NR1I2: variants seen among roughly 807,000 people sequenced by gnomAD.
NR1I2 encodes the protein orphan nuclear receptor PAR1.
In NR1I2, 42 loss-of-function variants were observed where a neutral mutation model predicts 43.3. The observed-to-expected ratio is 0.97, with a 90% CI of 0.76 to 1.26. NR1I2 has a LOEUF of 1.26. Among genes scored for constraint, NR1I2 ranks in the 50% most tolerant of loss-of-function variants. The probability of loss-of-function intolerance (pLI) is 0.00; values close to 1 mark genes in which losing one functional copy is unlikely to be tolerated. For missense variants in NR1I2, 559 were observed against 566.7 expected (o/e 0.99, Z 0.14); for synonymous variants, 229 against 215.0 (o/e 1.06, Z -0.57).
rs1337823304 is a variant in NR1I2 at position 119,805,707 on chromosome 3, TC to T, written c.-22-1515del. On this transcript the variant is annotated intron_variant, in intron 1 of 8. Coordinates refer to ENST00000393716, the MANE Select transcript of NR1I2 (RefSeq NM_003889.4). ...GACAGAGCAAGACTTGGTCCCCCCC[TC>T]CCCCCCACCAAAAAAAAAAGAAAAG... 9.6e-5 allele frequency among the ~76,000 whole-genome samples: 4 copies of T among 41,834 alleles called. 1 individual carries two copies. Among genetic ancestry groups the T allele is most frequent in the Non-Finnish European group, 1.4e-4 (3 of 21,300 alleles). The allele number at this position is 41,834 out of a possible 152,430, so 27.4% of individuals were successfully genotyped here. A position where few individuals can be genotyped will look rare whatever the true frequency, so the allele number is the denominator to read the frequency against.
At chr3:119,809,986 T>C (rs994577887) in intron 2 of NR1I2, 75 bp from the exon 3 acceptor site, 6 of 1,588,500 alleles carry the variant, frequency 3.8e-6, no homozygotes, top group Non-Finnish European at 5.2e-6. Context: ...GGGAGGGAGG[T>C]GGTATGGCCC....
At chr3:119,816,885 G>C (rs2055337319) in intron 8 of NR1I2, among the ~76,000 whole-genome samples, 183 bp from the exon 9 acceptor site, 1 of 151,500 alleles carries the variant, frequency 6.6e-6, no homozygotes, top group African/African-American at 2.4e-5. Flanking sequence ...GGAGAGTATT[G>C]GGCAGGCTGT....
intron 5 of NR1I2, 85 bp from the exon 6 acceptor site, chr3:119,814,893 AC>A (rs2055296308): frequency 1.9e-6 from 3 of 1,567,916 alleles, no homozygotes; most frequent in Non-Finnish European, 2.6e-6. Context: ...CTCGCCCCCA[AC>A]TTCTGGATTA....
In NR1I2 at chr3:119,813,356, A is replaced by G. The variant is rs1335499976; in HGVS notation, c.794+396A>G. Among the ~76,000 whole-genome samples the G allele has an allele frequency of 7.2e-5, 11 of 152,262 alleles. No homozygotes were observed. In the South Asian group the frequency reaches 2.1e-3, roughly 29 times the overall value. Reference sequence around the variant, plus strand: ...CCAGAGCAAGGAATGAGAGGAATAGAAAAGATAAGGCTGTGAAGGCCATGG... The same window carrying G: ...CCAGAGCAAGGAATGAGAGGAATAGGAAAGATAAGGCTGTGAAGGCCATGG... On this transcript the variant is annotated intron_variant, in intron 5 of 8. Transcript: ENST00000393716.
chr3:119,805,717 C>CCCCCCCAA (rs561350711), intron 1 of NR1I2, among the ~76,000 whole-genome samples: 1 of 96,620 alleles, frequency 1.0e-5, no homozygotes, highest in African/African-American at 3.9e-5. Flanking sequence ...TCCCCCCCAC[C>CCCCCCCAA]AAAAAAAAAA....
chr3:119,792,094 C>T (rs148112725), intron 1 of NR1I2: 22 of 757,740 alleles, frequency 2.9e-5, no homozygotes, highest in East Asian at 2.0e-4. Context: ...AATATCATTC[C>T]GTGCATCCTC....
chr3:119,810,383 G>A, intron 3 of NR1I2, 189 bp downstream of exon 3: 1 of 763,674 alleles, frequency 1.3e-6, no homozygotes, highest in Non-Finnish European at 2.1e-6. Flanking sequence ...GGCCCTCTGG[G>A]AGATGGAGGG....
At position 119,817,898 on chromosome 3, in the gene NR1I2, T is replaced by C; in HGVS notation, c.*686T>C. On this transcript the variant is annotated 3_prime_UTR_variant, in exon 9 of 9. Coordinates refer to ENST00000393716, the MANE Select transcript of NR1I2 (RefSeq NM_003889.4). ...ATAATAGGTAGCCTGCTGTGGGGTA[T>C]ACAGCATTGACTCAGATATAGATCC... The C allele has an allele frequency of 5.1e-6, 5 of 975,308 alleles. No individual in the cohort carries two copies. The highest frequency in any genetic ancestry group is 6.1e-6 in the Non-Finnish European group (5 of 820,084). 60.4% of individuals were successfully genotyped at this position (975,308 alleles called of 1,614,324 possible).
At chr3:119,814,851 C>T in intron 5 of NR1I2, 128 bp from the exon 6 acceptor site, 3 of 1,168,582 alleles carry the variant, frequency 2.6e-6, no homozygotes, top group Non-Finnish European at 3.7e-6. Flanking sequence ...CCACAGTCAT[C>T]CTCAGGGAAA....
chr3:119,791,245 G>A (rs551910537), intron 1 of NR1I2, among the ~76,000 whole-genome samples: 1 of 152,306 alleles, frequency 6.6e-6, no homozygotes, highest in East Asian at 1.9e-4. Flanking sequence ...ATAGGCCCCA[G>A]AAGGCCTATG....
intron 1 of NR1I2, among the ~76,000 whole-genome samples, chr3:119,804,028 G>A (rs1453980820): frequency 4.0e-5 from 6 of 151,682 alleles, no homozygotes; most frequent in Non-Finnish European, 7.4e-5. Context: ...AAAGTGCTGG[G>A]ATTACAGGCG....
chr3:119,802,032 G>T (rs2055088381), intron 1 of NR1I2, among the ~76,000 whole-genome samples: 1 of 152,258 alleles, frequency 6.6e-6, no homozygotes, highest in African/African-American at 2.4e-5. Flanking sequence ...ACCCAGAATT[G>T]TCTCTTCCCC....
rs1187745331 is a variant in NR1I2 at position 119,815,364 on chromosome 3, C to T, written c.979C>T (p.His327Tyr). 1 of 1,613,960 alleles carries T rather than the reference C, an allele frequency of 6.2e-7. No homozygotes were observed. Among genetic ancestry groups the T allele is most frequent in the South Asian group, 1.1e-5 (1 of 91,074 alleles). Residue 327 changes from histidine to tyrosine, a missense_variant, in exon 7 of 9, where the codon CAC (histidine) becomes TAC (tyrosine). Physicochemically the swap from His to Tyr is moderately conservative, Grantham distance 83 (BLOSUM62 2). This residue lies in a region of NR1I2 where 323 missense variants were observed against 312.2 expected (regional missense o/e 1.03). Transcript: ENST00000393716. ...TCTACTGGAGCCCATGCTGAAATTC[C>T]ACTACATGCTGAAGAAGCTGCAGCT...
chr3:119,797,184 A>ATGTG (rs1401966538), intron 1 of NR1I2, among the ~76,000 whole-genome samples: 5 of 24,994 alleles, frequency 2.0e-4, no homozygotes, highest in South Asian at 2.3e-3. Flanking sequence ...CTGCACAAAG[A>ATGTG]TATGTGTGTG....
At chr3:119,800,753 A>C (rs61211594) in intron 1 of NR1I2, among the ~76,000 whole-genome samples, 6,592 of 152,274 alleles carry the variant, frequency 0.043, 201 homozygotes, top group Middle Eastern at 0.095. Context: ...TGGAATTGAA[A>C]TGGCAAGAAA....
chr3:119,795,333 TA>T (rs1298097017), intron 1 of NR1I2, among the ~76,000 whole-genome samples: 1 of 152,128 alleles, frequency 6.6e-6, no homozygotes, highest in African/African-American at 2.4e-5. Flanking sequence ...GAGAGGGACA[TA>T]AAAGGGCTCT....
intron 1 of NR1I2, among the ~76,000 whole-genome samples, chr3:119,793,248 G>A (rs904916347): frequency 5.9e-5 from 9 of 152,058 alleles, no homozygotes; most frequent in Non-Finnish European, 1.2e-4. Context: ...AATACAAAAT[G>A]GACTAACACA....
intron 1 of NR1I2, among the ~76,000 whole-genome samples, chr3:119,793,252 T>G (rs2054947303): frequency 6.6e-6 from 1 of 152,160 alleles, no homozygotes. Flanking sequence ...CAAAATGGAC[T>G]AACACAATCA....
chr3:119,790,331 T>G (rs528622748), intron 1 of NR1I2, among the ~76,000 whole-genome samples: 93 of 152,356 alleles, frequency 6.1e-4, no homozygotes, highest in African/African-American at 2.1e-3. Context: ...GGGTTGCTTC[T>G]ACATTTTGTC....
Sources: gnomAD v4.1 joint callset for allele counts (sites outside exome capture counted in the v4.1 genomes callset) on GRCh38, gnomAD v4.1.1 for gene constraint, gnomAD v4.1.1 regional missense constraint, MANE v1.5 for transcripts, NCBI Gene and HGNC (gene_info 2026-07-23, HGNC 2026-07-21) for gene names.